Variants in MCF2L observed in about 807,000 individuals in gnomAD.
The protein encoded by MCF2L is guanine nucleotide exchange factor DBS.
In MCF2L, 97 loss-of-function variants were observed where a neutral mutation model predicts 153.4. The ratio of observed to expected loss-of-function variants is 0.63; its 90% CI spans 0.54 to 0.75. The LOEUF (loss-of-function observed/expected upper bound fraction) is 0.75, where lower values mean the gene tolerates loss of function less well. MCF2L is among the 30% of genes least tolerant of loss of function. The pLI is 0.00. For synonymous variants in MCF2L, 659 were observed against 632.2 expected (o/e 1.04, Z -0.64); for missense variants, 1,347 against 1,495.2 (o/e 0.90, Z 1.64).
rs949772404 is a variant in MCF2L at position 113,053,759 on chromosome 13, G to C, written c.370-6834G>C. Among the ~76,000 whole-genome samples, 1 of 152,154 alleles carries C rather than the reference G, an allele frequency of 6.6e-6. No homozygotes were observed. Among genetic ancestry groups the C allele is most frequent in the African/African-American group, 2.4e-5 (1 of 41,422 alleles). On this transcript the variant is annotated intron_variant, in intron 4 of 29. Transcript: ENST00000535094. The surrounding 1 kb of genome is among the most constrained non-coding windows in gnomAD (Gnocchi z 4.4). ...ACCTGCCTGGAGCCTCCTTCCATTT[G>C]TTACTCTGTCTCCTCCTGTGTCCCT...
chr13:113,090,454 T>G, intron 26 of MCF2L: 2 of 673,258 alleles, frequency 3.0e-6, no homozygotes, highest in Non-Finnish European at 3.6e-6. Context: ...ACCCCCGCCT[T>G]CTCCCGCCTT....
chr13:112,917,960 C>T (rs768780982), intron 2 of MCF2L, among the ~76,000 whole-genome samples: 4 of 152,222 alleles, frequency 2.6e-5, no homozygotes, highest in Non-Finnish European at 4.4e-5. Context: ...GCTGAGCCCA[C>T]AGTCCAGTAC....
intron 1 of MCF2L, among the ~76,000 whole-genome samples, chr13:112,972,884 T>C (rs1430505643): frequency 1.3e-5 from 1 of 75,488 alleles, no homozygotes; most frequent in Non-Finnish European, 2.9e-5. Context: ...GTGTGCTGCC[T>C]CCTGTCCTTA....
At chr13:113,076,672 C>T (rs544846416) in intron 12 of MCF2L, among the ~76,000 whole-genome samples, 110 of 152,374 alleles carry the variant, frequency 7.2e-4, no homozygotes, top group Admixed American at 5.7e-3. Flanking sequence ...GCCAACCCTG[C>T]GAGGTGGCCA....
At position 113,014,799 on chromosome 13, in the gene MCF2L, C is replaced by T; in HGVS notation, c.116C>T (p.Ala39Val). The T allele has an allele frequency of 6.2e-7, 1 of 1,614,090 alleles. No individual in the cohort carries two copies. The highest frequency in any genetic ancestry group is 8.5e-7 in the Non-Finnish European group (1 of 1,180,028). ...CACCAGGACATCGTCCCGCTCTGTGCTGCCGACATCCAGGACCAGCTAAAG... is the reference window on the plus strand; with the variant it reads ...CACCAGGACATCGTCCCGCTCTGTGTTGCCGACATCCAGGACCAGCTAAAG... ...IMHQDIVPLC[A>V]ADIQDQLKKR... The change falls in exon 2 of 30, where the codon GCT becomes GTT. Residue 39 changes from alanine (A) to valine (V), a missense_variant. Around this residue, in one of 3 missense-constraint regions of MCF2L, gnomAD observed 820 missense variants for 921.2 expected, o/e 0.89. Coordinates refer to ENST00000535094, the MANE Select transcript of MCF2L (RefSeq NM_001112732.3).
chr13:113,007,756 CTG>C (rs2083805503), intron 1 of MCF2L, among the ~76,000 whole-genome samples: 1 of 152,170 alleles, frequency 6.6e-6, no homozygotes, highest in East Asian at 1.9e-4. Context: ...TCAGGCGGCT[CTG>C]TGTCGTAAGG....
intron 27 of MCF2L, 54 bp from the exon 28 acceptor site, chr13:113,096,317 C>A: frequency 7.3e-7 from 1 of 1,373,980 alleles, no homozygotes; most frequent in South Asian, 1.2e-5. Context: ...TGCTGTGGGG[C>A]TGCTGCCGGG....
At chr13:112,995,548 A>C (rs1340731228) in intron 1 of MCF2L, among the ~76,000 whole-genome samples, 1 of 151,962 alleles carries the variant, frequency 6.6e-6, no homozygotes, top group Non-Finnish European at 1.5e-5. Flanking sequence ...CTGGCGGCCG[A>C]GGTGGGGTCG....
intron 4 of MCF2L, among the ~76,000 whole-genome samples, chr13:113,051,500 G>A (rs1594840345): frequency 6.6e-6 from 1 of 152,310 alleles, no homozygotes; most frequent in African/African-American, 2.4e-5. Context: ...ACAGCCTTGG[G>A]GTATCCAGCA....
Position 113,075,953 on chromosome 13 carries a change from T to C in MCF2L, c.1309-13T>C. On this transcript the variant is annotated splice_polypyrimidine_tract_variant and intron_variant, in intron 11 of 29. Transcript: ENST00000535094. The stretch of plus-strand genomic sequence containing the variant: ...CACGGCGTCCTGCCCTCGGCAATGC[T>C]CTGTGTTTCCAGTCCATGAAGTGGT... The C allele has an allele frequency of 6.3e-7, 1 of 1,592,524 alleles. No individual in the cohort carries two copies. Among genetic ancestry groups the C allele is most frequent in the South Asian group, 1.1e-5 (1 of 88,816 alleles).
In MCF2L at chr13:113,094,638, A is replaced by G; in HGVS notation, c.3075+3A>G. 3 of 1,608,278 alleles carry G rather than the reference A, an allele frequency of 1.9e-6. No homozygotes were observed. The highest frequency in any genetic ancestry group is 2.5e-6 in the Non-Finnish European group (3 of 1,178,070). ...GCGGGTTGGGCCCCAAGAAGCTGGT[A>G]ACCACGGCTTCCCTGTGGGCACTTG... On this transcript the variant is annotated splice_donor_region_variant and intron_variant, in intron 27 of 29. Coordinates refer to ENST00000535094, the MANE Select transcript of MCF2L (RefSeq NM_001112732.3).
chr13:113,065,155 G>T (rs745740896), intron 7 of MCF2L, 70 bp downstream of exon 7: 200 of 1,576,536 alleles, frequency 1.3e-4, no homozygotes, highest in Non-Finnish European at 1.6e-4. Context: ...CGGGGCTCCG[G>T]TCGGAAGCTG....
chr13:112,985,429 G>C (rs1446525204), intron 1 of MCF2L: 1 of 471,016 alleles, frequency 2.1e-6, no homozygotes, highest in Non-Finnish European at 4.4e-6. Flanking sequence ...GAAATGAAAA[G>C]CTACTACCTG....
Position 113,054,149 on chromosome 13 carries a change from A to G in MCF2L, c.370-6444A>G, listed in dbSNP as rs992389443. ...CTGTCCTATTTTCATAGTAGTCCCC[A>G]CCCAAATGTCATTCGAGTCCAATCT... On this transcript the variant is annotated intron_variant, in intron 4 of 29. Transcript: ENST00000535094. This position sits in a 1 kb window ranked among gnomAD's most constrained non-coding sequence, Gnocchi z 5.2. Among the ~76,000 whole-genome samples, 1 of 151,928 alleles carries G rather than the reference A, an allele frequency of 6.6e-6. No individual in the cohort carries two copies. The highest frequency in any genetic ancestry group is 2.4e-5 in the African/African-American group (1 of 41,310).
chr13:113,072,534 A>G (rs1397475184), intron 9 of MCF2L, among the ~76,000 whole-genome samples: 1 of 152,172 alleles, frequency 6.6e-6, no homozygotes, highest in Non-Finnish European at 1.5e-5. Context: ...TCTTTGGGAG[A>G]CTTTTAAAAT....
In MCF2L at chr13:113,084,872, G is replaced by C. The variant is rs1594986878; in HGVS notation, c.2062-20G>C. ...TGCCCATCCCTCACTGCGTGATGCG[G>C]TGCCTGTCCCTCGGTGCAGATGGAA... On this transcript the variant is annotated intron_variant, in intron 18 of 29. Coordinates refer to ENST00000535094, the MANE Select transcript of MCF2L (RefSeq NM_001112732.3). The C allele has an allele frequency of 3.1e-6, 5 of 1,593,350 alleles. No homozygotes were observed. The highest frequency in any genetic ancestry group is 4.5e-5 in the East Asian group (2 of 44,762).
At chr13:112,957,246 G>T (rs989452873) in intron 2 of MCF2L, 1 of 152,238 alleles carries the variant, frequency 6.6e-6, no homozygotes, top group Non-Finnish European at 1.5e-5. Context: ...TGCCATCGCA[G>T]CACAGGCGGT....
intron 1 of MCF2L, among the ~76,000 whole-genome samples, chr13:112,901,465 T>TGTTGCTGTCTTTATTCCTAGGGAA (rs2081118935): frequency 6.6e-6 from 1 of 152,216 alleles, no homozygotes; most frequent in East Asian, 1.9e-4. Context: ...TTAAGTAAAC[T>TGTTGCTGTCTTTATTCCTAGGGAA]GTTGCTGTCT....
At chr13:112,912,224 T>A (rs1350279848) in intron 2 of MCF2L, among the ~76,000 whole-genome samples, 1 of 152,108 alleles carries the variant, frequency 6.6e-6, no homozygotes, top group East Asian at 1.9e-4. Context: ...AATTTCAGAG[T>A]GGTGCTCTCC....
Sources: allele counts gnomAD v4.1 joint callset (sites outside exome capture counted in the v4.1 genomes callset), GRCh38; gene constraint gnomAD v4.1.1; regional missense constraint gnomAD v4.1.1; non-coding constraint Gnocchi (gnomAD v3.1); transcripts MANE v1.5; gene names NCBI Gene and HGNC (gene_info 2026-07-23, HGNC 2026-07-21).